ZNF160: variants seen among roughly 807,000 people sequenced by gnomAD.
ZNF160 encodes KRAB zinc finger protein KR18.
Under a neutral mutation model 13.1 loss-of-function variants are expected in ZNF160, and 9 were observed. That is an observed-to-expected ratio of 0.69 (90% CI 0.41 to 1.20). The LOEUF is 1.20. Ranked by LOEUF, ZNF160 falls within the 50% of genes most tolerant of loss-of-function variation. ZNF160 has a pLI of 0.01. For missense variants in ZNF160, 838 were observed against 988.0 expected (o/e 0.85, Z 2.04); for synonymous variants, 293 against 333.2 (o/e 0.88, Z 1.31).
At chr19:53,087,277 C>T (rs929401165) in intron 2 of ZNF160, among the ~76,000 whole-genome samples, 6 of 152,102 alleles carry the variant, frequency 3.9e-5, no homozygotes, top group Non-Finnish European at 8.8e-5. Context: ...CCTGAGGGTG[C>T]AGATCACGCA....
rs1190137814 is a variant in ZNF160 at position 53,068,120 on chromosome 19, G to C, written c.2414C>G (p.Ala805Gly). 2 of 1,613,146 alleles carry C rather than the reference G, an allele frequency of 1.2e-6. No homozygotes were observed. Among genetic ancestry groups the C allele is most frequent in the Admixed American group, 1.7e-5 (1 of 59,968 alleles). ...GKVFRQSSNL[A>G]SHHRMHTGEK... Reference sequence around the variant, plus strand: ...TCCGGTATGCATTCTGTGATGACTTGCAAGATTTGAACTCTGCCTGAAGAC... The same window carrying C: ...TCCGGTATGCATTCTGTGATGACTTCCAAGATTTGAACTCTGCCTGAAGAC... The change falls in exon 6 of 6, where the codon GCA becomes GGA. Residue 805 changes from alanine to glycine, a missense_variant. Around this residue, in one of 3 missense-constraint regions of ZNF160, gnomAD observed 51 missense variants for 46.9 expected, o/e 1.09. Coordinates refer to ENST00000683776, the MANE Select transcript of ZNF160 (RefSeq NM_001322131.2).
chr19:53,086,146 T>A (rs889611949), intron 3 of ZNF160, 116 bp downstream of exon 3: 3 of 1,350,506 alleles, frequency 2.2e-6, no homozygotes, highest in African/African-American at 2.9e-5. Flanking sequence ...AAGGCGCGGG[T>A]GAGTGCTAGC....
At chr19:53,100,573 G>A (rs1159526598) in intron 1 of ZNF160, among the ~76,000 whole-genome samples, 4 of 151,874 alleles carry the variant, frequency 2.6e-5, no homozygotes, top group Non-Finnish European at 5.9e-5. Flanking sequence ...TTGCACCACT[G>A]CACTCCAGCC....
intron 1 of ZNF160, among the ~76,000 whole-genome samples, chr19:53,102,105 G>A (rs1249453930): frequency 6.6e-6 from 1 of 151,760 alleles, no homozygotes; most frequent in African/African-American, 2.4e-5. Flanking sequence ...TTCTTCTGCT[G>A]TTTCTCCCTT....
intron 3 of ZNF160, among the ~76,000 whole-genome samples, chr19:53,078,600 G>A (rs1405838982): frequency 3.9e-5 from 6 of 151,930 alleles, no homozygotes; most frequent in Admixed American, 3.9e-4. Context: ...GAGTGAGACT[G>A]CATGTCAAAA....
intron 1 of ZNF160, 76 bp from the exon 2 acceptor site, chr19:53,091,796 T>C (rs1158910854): frequency 6.6e-6 from 1 of 152,256 alleles, no homozygotes; most frequent in African/African-American, 2.4e-5. Context: ...ATGCAAAATT[T>C]GAGCTTAGCA....
rs2084070280 is a variant in ZNF160, at chr19:53,069,172, C to T, written c.1362G>A (p.Lys454=). The change falls in exon 6 of 6, where the codon AAG becomes AAA. Residue 454 remains lysine, a synonymous_variant. Transcript: ENST00000683776. This position sits in a 1 kb window ranked among gnomAD's most constrained non-coding sequence, Gnocchi z 4.4. The part of the protein sequence containing the change: ...RRVHTGEKPY[K]CNECGKAFSM... ...TGAAGGCTTTGCCACATTCATTACA[C>T]TTGTAAGGTTTCTCACCAGTATGAA... 3 of 1,613,996 alleles carry T rather than the reference C, an allele frequency of 1.9e-6. No individual in the cohort carries two copies. The highest frequency in any genetic ancestry group is 2.5e-6 in the Non-Finnish European group (3 of 1,179,946).
intron 2 of ZNF160, among the ~76,000 whole-genome samples, 187 bp from the exon 3 acceptor site, chr19:53,086,508 A>G (rs959904202): frequency 1.3e-5 from 2 of 152,166 alleles, no homozygotes; most frequent in Non-Finnish European, 2.9e-5. Flanking sequence ...TCCTACAGGA[A>G]GAAGTGAGTT....
At chr19:53,076,189 C>T (rs1265232653) in intron 3 of ZNF160, among the ~76,000 whole-genome samples, 2 of 152,116 alleles carry the variant, frequency 1.3e-5, no homozygotes, top group Non-Finnish European at 1.5e-5. Context: ...GTGATATCCT[C>T]TATATCAGTG....
intron 5 of ZNF160, 90 bp downstream of exon 5, chr19:53,074,050 T>G (rs1293643081): frequency 7.5e-7 from 1 of 1,340,182 alleles, no homozygotes; most frequent in Admixed American, 1.8e-5. Context: ...TTGGCCTCCC[T>G]AAGTGTTGAG....
At chr19:53,077,477 C>G (rs1356082744) in intron 3 of ZNF160, 1 of 151,918 alleles carries the variant, frequency 6.6e-6, no homozygotes, top group Non-Finnish European at 1.5e-5. Context: ...CGAGACCAGC[C>G]TGGCCAAAAT....
chr19:53,084,062 A>G (rs546246780), intron 3 of ZNF160, among the ~76,000 whole-genome samples: 1 of 152,268 alleles, frequency 6.6e-6, no homozygotes, highest in South Asian at 2.1e-4. Flanking sequence ...TTCGAGCTCC[A>G]GAGGGGAATC....
intron 3 of ZNF160, among the ~76,000 whole-genome samples, chr19:53,082,986 T>C (rs1480832024): frequency 6.6e-6 from 1 of 152,140 alleles, no homozygotes; most frequent in Non-Finnish European, 1.5e-5. Context: ...TTATGTACAT[T>C]TACCCATTTA....
At chr19:53,099,178 G>A (rs527314553) in intron 1 of ZNF160, among the ~76,000 whole-genome samples, 6 of 152,312 alleles carry the variant, frequency 3.9e-5, no homozygotes, top group South Asian at 2.1e-4. Context: ...CCTGAGTAAC[G>A]TGGTAGAGAC....
rs774589257 is a variant in ZNF160 at position 53,086,292 on chromosome 19, TTTCCTC to T, written c.-22_-17del. 6 of 1,586,318 alleles carry T rather than the reference TTTCCTC, an allele frequency of 3.8e-6. No homozygotes were observed. The highest frequency in any genetic ancestry group is 3.4e-6 in the Non-Finnish European group (4 of 1,168,066). On this transcript the variant is annotated 5_prime_UTR_variant, in exon 3 of 6. Coordinates refer to ENST00000683776, the MANE Select transcript of ZNF160 (RefSeq NM_001322131.2). Reference sequence around the variant, plus strand: ...TAAGGGCCATCCCTGACTCCTTTTCTTTCCTCTTCCTCTTCTTCCAGACTTCTTCCT... The same window carrying T: ...TAAGGGCCATCCCTGACTCCTTTTCTTTCCTCTTCTTCCAGACTTCTTCCT...
chr19:53,102,674 CCT>C (rs1208606658), intron 1 of ZNF160, among the ~76,000 whole-genome samples: 1 of 152,174 alleles, frequency 6.6e-6, no homozygotes, highest in African/African-American at 2.4e-5. Flanking sequence ...TTTTCCATCT[CCT>C]CTCAGTGGCT....
intron 3 of ZNF160, chr19:53,085,941 T>C: frequency 1.8e-6 from 2 of 1,106,898 alleles, no homozygotes; most frequent in South Asian, 2.7e-5. Flanking sequence ...TACACAGCGC[T>C]GACAGTGCAT....
rs2145420285 is a variant in ZNF160, at chr19:53,068,208, G to C, written c.2326C>G (p.Leu776Val). 1.2e-6 allele frequency: 2 copies of C among 1,614,142 alleles called. No homozygotes were observed. Among genetic ancestry groups the C allele is most frequent in the East Asian group, 4.5e-5 (2 of 44,878 alleles). ...GTGTGGATTGCCATATGGGTAGTTA[G>C]ACTTGATCTTACCCTAAAGGCTTTC... ...CGKAFRVRSS[L>V]TTHMAIHTGE... The change falls in exon 6 of 6, where the codon CTA becomes GTA. Residue 776 changes from leucine (L) to valine (V), a missense_variant. Physicochemically the swap from Leu to Val is conservative, Grantham distance 32. Coordinates refer to ENST00000683776, the MANE Select transcript of ZNF160 (RefSeq NM_001322131.2).
intron 3 of ZNF160, chr19:53,085,196 G>A (rs1338372126): frequency 1.0e-6 from 1 of 985,438 alleles, no homozygotes; most frequent in South Asian, 4.7e-5. Flanking sequence ...CAACAAGGAT[G>A]TAGAAAAGTG....
Sources: gnomAD v4.1 joint callset for allele counts (sites outside exome capture counted in the v4.1 genomes callset) on GRCh38, gnomAD v4.1.1 for gene constraint, gnomAD v4.1.1 regional missense constraint, Gnocchi (gnomAD v3.1) non-coding constraint, MANE v1.5 for transcripts, NCBI Gene and HGNC (gene_info 2026-07-23, HGNC 2026-07-21) for gene names.